FBXL7: variants seen among roughly 807,000 people sequenced by gnomAD.
FBXL7 encodes the protein F-box/LRR-repeat protein 7.
Under a neutral mutation model 38.3 loss-of-function variants are expected in FBXL7, and 12 were observed. The observed-to-expected ratio is 0.31, with a 90% confidence interval of 0.20 to 0.51. FBXL7 has a LOEUF of 0.51. Ranked by LOEUF, FBXL7 falls within the 20% of genes least tolerant of loss-of-function variation. FBXL7 has a pLI of 0.98. For synonymous variants in FBXL7, 297 were observed against 300.9 expected (o/e 0.99, Z 0.13); for missense variants, 567 against 676.4 (o/e 0.84, Z 1.79).
chr5:15,895,831 A>T (rs1741087245), intron 2 of FBXL7, among the ~76,000 whole-genome samples: 1 of 150,700 alleles, frequency 6.6e-6, no homozygotes, highest in African/African-American at 2.4e-5. Flanking sequence ...TTTTTAGTAG[A>T]GACGGGGTTT....
At chr5:15,704,378 G>C (rs2126636062) in intron 2 of FBXL7, among the ~76,000 whole-genome samples, 1 of 152,272 alleles carries the variant, frequency 6.6e-6, no homozygotes, top group South Asian at 2.1e-4. Context: ...GGGGGTGTTA[G>C]TTACTAAAAC....
In FBXL7 at chr5:15,584,936, A is replaced by G. The variant is rs374130789; in HGVS notation, c.38-31047A>G. Among the ~76,000 whole-genome samples, 83 of 152,344 alleles carry G rather than the reference A, an allele frequency of 5.4e-4. 4 individuals are homozygous for G. The highest frequency in any genetic ancestry group is 3.5e-3 in the South Asian group (17 of 4,826). On this transcript the variant is annotated intron_variant, in intron 1 of 3. Transcript: ENST00000504595. The stretch of plus-strand genomic sequence containing the variant: ...CAGGAGAGAGCAGGGGAAACTGCCA[A>G]TCACATACTATTACAAATTAGTTGT...
At chr5:15,780,801 T>C (rs1736971074) in intron 2 of FBXL7, among the ~76,000 whole-genome samples, 1 of 152,190 alleles carries the variant, frequency 6.6e-6, no homozygotes, top group Non-Finnish European at 1.5e-5. Flanking sequence ...AGAGTTAGCA[T>C]GCAAATAAAC....
chr5:15,890,729 G>A (rs1048472999), intron 2 of FBXL7, among the ~76,000 whole-genome samples: 17 of 152,096 alleles, frequency 1.1e-4, no homozygotes, highest in Non-Finnish European at 7.4e-5. Context: ...CTCTGGTGCC[G>A]AAAAGGCTGG....
chr5:15,501,932 T>G (rs1051799480), intron 1 of FBXL7, among the ~76,000 whole-genome samples: 6 of 136,364 alleles, frequency 4.4e-5, no homozygotes, highest in African/African-American at 6.1e-5. Flanking sequence ...GTGATTTGAG[T>G]TTTTTTTTTT....
chr5:15,697,043 T>C (rs920827456), intron 2 of FBXL7, among the ~76,000 whole-genome samples: 1 of 152,190 alleles, frequency 6.6e-6, no homozygotes, highest in Non-Finnish European at 1.5e-5. Context: ...TGTGGAGTGA[T>C]TGAGTGCTTT....
intron 2 of FBXL7, among the ~76,000 whole-genome samples, chr5:15,657,848 A>C (rs1741932619): frequency 6.6e-6 from 1 of 152,050 alleles, no homozygotes; most frequent in Non-Finnish European, 1.5e-5. Context: ...AAATTAAAAA[A>C]AAAAAAATGT....
intron 2 of FBXL7, among the ~76,000 whole-genome samples, chr5:15,859,295 T>C (rs1294476063): frequency 6.6e-6 from 1 of 152,126 alleles, no homozygotes; most frequent in African/African-American, 2.4e-5. Flanking sequence ...TTACCCCAGT[T>C]GAGATAAGCA....
At chr5:15,827,214 T>C (rs866927702) in intron 2 of FBXL7, among the ~76,000 whole-genome samples, 1 of 152,158 alleles carries the variant, frequency 6.6e-6, no homozygotes, top group South Asian at 2.1e-4. Context: ...ACATTTAAAT[T>C]CTCTCAATGT....
intron 1 of FBXL7, among the ~76,000 whole-genome samples, chr5:15,594,426 G>A (rs1186199803): frequency 6.6e-6 from 1 of 152,156 alleles, no homozygotes; most frequent in Non-Finnish European, 1.5e-5. Context: ...TTTCTTACGC[G>A]GTGGTAAGGG....
At chr5:15,573,275 G>A (rs1378118265) in intron 1 of FBXL7, among the ~76,000 whole-genome samples, 5 of 152,154 alleles carry the variant, frequency 3.3e-5, no homozygotes. Context: ...ATGTCTTTGA[G>A]TCTCAGGAGA....
chr5:15,580,768 AC>A, intron 1 of FBXL7: 1 of 985,390 alleles, frequency 1.0e-6, no homozygotes, highest in Non-Finnish European at 1.2e-6. Flanking sequence ...GTGTTTCCAG[AC>A]CGTCAAGGGT....
At chr5:15,723,874 G>C (rs374982523) in intron 2 of FBXL7, among the ~76,000 whole-genome samples, 14 of 152,148 alleles carry the variant, frequency 9.2e-5, no homozygotes, top group African/African-American at 3.1e-4. Context: ...TCTGTTTTTT[G>C]TTTCTTTCTA....
intron 2 of FBXL7, among the ~76,000 whole-genome samples, chr5:15,895,228 G>T (rs929655354): frequency 6.6e-6 from 1 of 152,110 alleles, no homozygotes; most frequent in African/African-American, 2.4e-5. Context: ...AATGATTACC[G>T]ATGAGTGAGG....
At chr5:15,627,321 C>T (rs969420428) in intron 2 of FBXL7, among the ~76,000 whole-genome samples, 2 of 152,124 alleles carry the variant, frequency 1.3e-5, no homozygotes, top group African/African-American at 4.8e-5. Context: ...TTGGAGGAAT[C>T]AGGACACCCT....
At chr5:15,779,469 G>T (rs947519597) in intron 2 of FBXL7, among the ~76,000 whole-genome samples, 3 of 151,948 alleles carry the variant, frequency 2.0e-5, no homozygotes, top group Non-Finnish European at 4.4e-5. Flanking sequence ...TACAACTAGA[G>T]TACATAAATG....
chr5:15,868,026 C>A (rs1435060204), intron 2 of FBXL7, among the ~76,000 whole-genome samples: 1 of 151,620 alleles, frequency 6.6e-6, no homozygotes, highest in Non-Finnish European at 1.5e-5. Flanking sequence ...ATCACTTGAA[C>A]CCGGGAGGCG....
chr5:15,594,166 C>T (rs941688384), intron 1 of FBXL7, among the ~76,000 whole-genome samples: 6 of 152,098 alleles, frequency 3.9e-5, no homozygotes, highest in Non-Finnish European at 8.8e-5. Flanking sequence ...CATTTGCCTC[C>T]ACTGCTACAC....
intron 1 of FBXL7, among the ~76,000 whole-genome samples, chr5:15,609,101 T>G (rs529250004): frequency 6.6e-6 from 1 of 152,250 alleles, no homozygotes; most frequent in African/African-American, 2.4e-5. Context: ...TCCCCATCAC[T>G]CCAACTGCAC....
Sources: allele counts gnomAD v4.1 joint callset (sites outside exome capture counted in the v4.1 genomes callset), GRCh38; gene constraint gnomAD v4.1.1; transcripts MANE v1.5; gene names NCBI Gene and HGNC (gene_info 2026-07-23, HGNC 2026-07-21).